The following ALK variants were observed in gnomAD, a reference collection of about 807,000 sequenced individuals.
ALK encodes the protein ALK tyrosine kinase receptor.
ALK carries 74 observed loss-of-function variants against 163.1 expected under a neutral mutation model. The ratio of observed to expected loss-of-function variants is 0.45; its 90% confidence interval spans 0.38 to 0.55. ALK has a LOEUF of 0.55. ALK is among the 20% of genes least tolerant of loss of function. The probability of loss-of-function intolerance (pLI) is 0.00; values close to 1 mark genes in which losing one functional copy is unlikely to be tolerated. For synonymous variants in ALK, 960 were observed against 843.2 expected, an observed-to-expected ratio of 1.14 and a Z score of -2.40; for missense variants, 2,063 against 2,105.3, an observed-to-expected ratio of 0.98 and a Z score of 0.39.
intron 4 of ALK, among the ~76,000 whole-genome samples, chr2:29,476,788 G>A (rs905919249): frequency 6.6e-6 from 1 of 152,194 alleles, no homozygotes; most frequent in Admixed American, 6.5e-5. Flanking sequence ...TGGGCTTTGT[G>A]GAGAGTTCGA....
intron 1 of ALK, among the ~76,000 whole-genome samples, chr2:29,854,858 G>C (rs150533311): frequency 3.3e-5 from 5 of 152,006 alleles, no homozygotes; most frequent in Admixed American, 3.3e-4. Context: ...ATTGATGTGC[G>C]TGCATACTTT....
chr2:29,723,663 G>A (rs988161669), intron 1 of ALK, among the ~76,000 whole-genome samples: 3 of 152,168 alleles, frequency 2.0e-5, no homozygotes, highest in Admixed American at 6.5e-5. Context: ...TTCTGAAAAC[G>A]ATGACGAGAA....
intron 9 of ALK, among the ~76,000 whole-genome samples, chr2:29,290,662 G>C (rs1486579261): frequency 6.6e-6 from 1 of 152,236 alleles, no homozygotes; most frequent in Non-Finnish European, 1.5e-5. Flanking sequence ...CTCAATGAAA[G>C]GGCGATTTGT....
intron 26 of ALK, among the ~76,000 whole-genome samples, chr2:29,200,741 GTA>G (rs575838162): frequency 1.6e-4 from 18 of 109,340 alleles, no homozygotes; most frequent in African/African-American, 8.6e-4. Context: ...ATATATATAC[GTA>G]TATATATACG....
At position 29,325,509 on chromosome 2, in the gene ALK, G is replaced by A. The variant is rs1667226823; in HGVS notation, c.1414+2841C>T. On this transcript the variant is annotated intron_variant, in intron 6 of 28. Coordinates refer to ENST00000389048, the MANE Select transcript of ALK (RefSeq NM_004304.5). ...CGAGACCCAGAGGGGGAGGCCCCCA[G>A]AGAAAGGCGGTAGCAGGGCCCTGGA... Among the ~76,000 whole-genome samples, 5 of 152,348 alleles carry A rather than the reference G, an allele frequency of 3.3e-5. No individual in the cohort carries two copies. The East Asian group carries it at 9.6e-4, about 29-fold the overall frequency.
intron 5 of ALK, among the ~76,000 whole-genome samples, chr2:29,330,527 G>T (rs1667406911): frequency 6.6e-6 from 1 of 152,148 alleles, no homozygotes; most frequent in Non-Finnish European, 1.5e-5. Flanking sequence ...CCCCTAGGAG[G>T]GTTCATGAAT....
rs549130315 is a variant in ALK, at chr2:29,545,458, A to G, written c.953-13342T>C. On this transcript the variant is annotated intron_variant, in intron 3 of 28. Transcript: ENST00000389048. ...AGGAGGTGGGACCGTGCTCATTGGC[A>G]TGCTTTGCCTAATATTGAGATAATG... Among the ~76,000 whole-genome samples the G allele has an allele frequency of 3.0e-4, 45 of 152,342 alleles. 1 individual carries two copies. In the South Asian group the frequency reaches 7.3e-3, roughly 25 times the overall value.
intron 1 of ALK, among the ~76,000 whole-genome samples, chr2:29,866,799 C>T (rs112767466): frequency 5.9e-5 from 9 of 152,262 alleles, no homozygotes; most frequent in African/African-American, 1.2e-4. Context: ...CCACATGGAG[C>T]ACAAGTCACC....
chr2:29,776,255 C>T (rs1301315025), intron 1 of ALK, among the ~76,000 whole-genome samples: 1 of 145,904 alleles, frequency 6.9e-6, no homozygotes, highest in East Asian at 2.0e-4. Flanking sequence ...AAAAAAGAAG[C>T]TTCTTACTCC....
chr2:29,725,154 CAAAAAA>C (rs757959526), intron 1 of ALK, among the ~76,000 whole-genome samples: 1 of 67,396 alleles, frequency 1.5e-5, no homozygotes, highest in African/African-American at 6.8e-5. Flanking sequence ...TATCCTATAC[CAAAAAA>C]AAAAAAAAAA....
At chr2:29,728,761 GCCA>G (rs1332259696) in intron 1 of ALK, among the ~76,000 whole-genome samples, 1 of 152,130 alleles carries the variant, frequency 6.6e-6, no homozygotes, top group African/African-American at 2.4e-5. Context: ...CTCCTTATTT[GCCA>G]CCAAGAAAAG....
Position 29,408,081 on chromosome 2 carries a change from C to CTTTTTTTTTTTTT in ALK, c.1155-24223_1155-24222insAAAAAAAAAAAAA, listed in dbSNP as rs760683752. ...TAGGCAAAGGTACTCAGGGAAAGTT[C>CTTTTTTTTTTTTT]TTTTTCTTTTTTTTTTTTTGAGATG... is the stretch of plus-strand genomic sequence containing the variant. On this transcript the variant is annotated intron_variant, in intron 4 of 28. Transcript: ENST00000389048. 1.4e-5 allele frequency among the ~76,000 whole-genome samples: 2 copies of CTTTTTTTTTTTTT among 140,850 alleles called. 1 individual carries two copies. Among genetic ancestry groups the CTTTTTTTTTTTTT allele is most frequent in the African/African-American group, 5.6e-5 (2 of 35,766 alleles). The allele number at this position is 140,850 out of a possible 152,430, so 92.4% of individuals were successfully genotyped here.
At chr2:29,654,052 T>A (rs1429079293) in intron 3 of ALK, among the ~76,000 whole-genome samples, 1 of 152,132 alleles carries the variant, frequency 6.6e-6, no homozygotes, top group Non-Finnish European at 1.5e-5. Context: ...AGCAAGACTC[T>A]GTTGCAGTAA....
chr2:29,727,862 G>C (rs1208990480), intron 1 of ALK, among the ~76,000 whole-genome samples: 2 of 152,130 alleles, frequency 1.3e-5, no homozygotes, highest in Non-Finnish European at 2.9e-5. Context: ...TCAGAGTGGG[G>C]GAGCTGGGAG....
chr2:29,431,900 A>G (rs1000622848), intron 4 of ALK, among the ~76,000 whole-genome samples: 9 of 152,108 alleles, frequency 5.9e-5, no homozygotes, highest in African/African-American at 2.2e-4. Flanking sequence ...AGGAGCTCCC[A>G]GGACAGTAGA....
chr2:29,663,548 T>A (rs986959073), intron 3 of ALK, among the ~76,000 whole-genome samples: 2 of 152,168 alleles, frequency 1.3e-5, no homozygotes, highest in African/African-American at 4.8e-5. Context: ...TCTATAGAGT[T>A]TAATCTCATG....
At chr2:29,597,022 T>A (rs756814508) in intron 3 of ALK, among the ~76,000 whole-genome samples, 1 of 152,252 alleles carries the variant, frequency 6.6e-6, no homozygotes, top group African/African-American at 2.4e-5. Flanking sequence ...TTGGTGTGAC[T>A]GTGGGCCAGT....
chr2:29,771,276 T>C (rs1032616157), intron 1 of ALK, among the ~76,000 whole-genome samples: 1 of 152,108 alleles, frequency 6.6e-6, no homozygotes, highest in African/African-American at 2.4e-5. Flanking sequence ...GACTTGAATT[T>C]CTAGATTAAA....
intron 5 of ALK, among the ~76,000 whole-genome samples, chr2:29,344,354 G>A (rs189161099): frequency 2.4e-4 from 37 of 152,300 alleles, no homozygotes; most frequent in Non-Finnish European, 4.6e-4. Flanking sequence ...TATGATGGAA[G>A]CCACCACATA....
Sources: allele counts gnomAD v4.1 joint callset (sites outside exome capture counted in the v4.1 genomes callset), GRCh38; gene constraint gnomAD v4.1.1; transcripts MANE v1.5; gene names NCBI Gene and HGNC (gene_info 2026-07-23, HGNC 2026-07-21).